HCN1: variants seen among roughly 807,000 people sequenced by gnomAD.
The protein encoded by HCN1 is hyperpolarization activated cyclic nucleotide gated potassium channel 1.
Under a neutral mutation model 78.9 loss-of-function variants are expected in HCN1, and 13 were observed. That is an observed-to-expected ratio of 0.16 (90% CI 0.11 to 0.26). HCN1 has a LOEUF of 0.26. Ranked by LOEUF, HCN1 falls within the 10% of genes least tolerant of loss-of-function variation. The probability of loss-of-function intolerance (pLI) is 1.00; values close to 1 mark genes in which losing one functional copy is unlikely to be tolerated. For synonymous variants in HCN1, 552 were observed against 455.5 expected (o/e 1.21, Z -2.70); for missense variants, 810 against 1,154.3 (o/e 0.70, Z 4.32).
chr5:45,353,376 G>A, intron 4 of HCN1, 130 bp from the exon 5 acceptor site: 1 of 700,114 alleles, frequency 1.4e-6, no homozygotes, highest in South Asian at 1.8e-5. Flanking sequence ...CCTTTAAGAT[G>A]AAGGAACTAA....
intron 4 of HCN1, among the ~76,000 whole-genome samples, chr5:45,387,407 A>T (rs1451207090): frequency 6.6e-6 from 1 of 152,164 alleles, no homozygotes; most frequent in Non-Finnish European, 1.5e-5. Flanking sequence ...ATAAATGATC[A>T]GATTACAATT....
At position 45,496,793 on chromosome 5, in the gene HCN1, G is replaced by T. The variant is rs1458893338; in HGVS notation, c.850-34786C>A. The stretch of plus-strand genomic sequence containing the variant: ...CTTTTCTAGTTCTTCTAATCGTGAT[G>T]TTAGGGTGTAAATTTTGGATCTTTC... On this transcript the variant is annotated intron_variant, in intron 2 of 7. Transcript: ENST00000303230. 2.1e-4 allele frequency among the ~76,000 whole-genome samples: 32 copies of T among 152,172 alleles called. 1 individual carries two copies. The highest frequency in any genetic ancestry group is 2.1e-3 in the Admixed American group (32 of 15,268).
chr5:45,418,420 T>C (rs1315263968), intron 3 of HCN1, among the ~76,000 whole-genome samples: 1 of 149,424 alleles, frequency 6.7e-6, no homozygotes, highest in African/African-American at 2.4e-5. Flanking sequence ...TGTGATAGGC[T>C]AAAAACTATC....
chr5:45,372,196 TATAATACATATTATATAATATAA>T lies in HCN1; in HGVS notation c.1231-18973_1231-18951del. Reference sequence around the variant, plus strand: ...TTATATTATAATATAATACAATTAATATAATACATATTATATAATATAATATATATAATATATATTATATTTTA... The same window carrying T: ...TTATATTATAATATAATACAATTAATTATATATAATATATATTATATTTTA... On this transcript the variant is annotated intron_variant, in intron 4 of 7. Coordinates refer to ENST00000303230, the MANE Select transcript of HCN1 (RefSeq NM_021072.4). 6.5e-5 allele frequency among the ~76,000 whole-genome samples: 4 copies of T among 61,656 alleles called. No individual in the cohort carries two copies. The East Asian group carries it at 2.3e-3, about 35-fold the overall frequency. The allele number at this position is 61,656 out of a possible 152,430, so 40.4% of individuals were successfully genotyped here.
At chr5:45,398,998 G>A (rs953624321) in intron 3 of HCN1, among the ~76,000 whole-genome samples, 1 of 152,170 alleles carries the variant, frequency 6.6e-6, no homozygotes, top group African/African-American at 2.4e-5. Flanking sequence ...TTTACTGCCT[G>A]AGTGCCATGG....
intron 3 of HCN1, among the ~76,000 whole-genome samples, chr5:45,447,657 C>G (rs1258706517): frequency 6.6e-6 from 1 of 152,176 alleles, no homozygotes; most frequent in Non-Finnish European, 1.5e-5. Flanking sequence ...ACTTTAGGAT[C>G]TGGGGAGAGA....
intron 4 of HCN1, among the ~76,000 whole-genome samples, chr5:45,388,756 T>G (rs1747978651): frequency 1.3e-5 from 2 of 152,198 alleles, no homozygotes; most frequent in African/African-American, 2.4e-5. Context: ...TCACAAAGTT[T>G]ATTTGTGAAA....
intron 2 of HCN1, among the ~76,000 whole-genome samples, chr5:45,511,107 A>C (rs574171433): frequency 1.3e-5 from 2 of 152,126 alleles, no homozygotes; most frequent in Non-Finnish European, 2.9e-5. Flanking sequence ...CAGTACCTAG[A>C]TGATGGTTTC....
chr5:45,277,177 G>A (rs1481691216), intron 6 of HCN1, among the ~76,000 whole-genome samples: 1 of 151,980 alleles, frequency 6.6e-6, no homozygotes, highest in Non-Finnish European at 1.5e-5. Flanking sequence ...TGCCATTTAT[G>A]GGAAAGATAG....
intron 4 of HCN1, among the ~76,000 whole-genome samples, chr5:45,368,330 G>C (rs1488667013): frequency 2.0e-5 from 3 of 151,884 alleles, no homozygotes; most frequent in East Asian, 3.9e-4. Flanking sequence ...TCTTAGTCAG[G>C]TGTTTAACTA....
chr5:45,473,567 C>T lies in HCN1; in HGVS notation c.850-11560G>A, dbSNP rs1251898890. On this transcript the variant is annotated intron_variant, in intron 2 of 7. Coordinates refer to ENST00000303230, the MANE Select transcript of HCN1 (RefSeq NM_021072.4). Reference sequence around the variant, plus strand: ...TCTCTTTTTCTCTGTGATGCCTCACCTATTTTTTTTCTTTTTTTTTCTTCC... The same window carrying T: ...TCTCTTTTTCTCTGTGATGCCTCACTTATTTTTTTTCTTTTTTTTTCTTCC... Among the ~76,000 whole-genome samples, 3 of 151,578 alleles carry T rather than the reference C, an allele frequency of 2.0e-5. No homozygotes were observed. The South Asian group carries it at 6.2e-4, about 31-fold the overall frequency.
chr5:45,430,499 TG>T (rs1366784506), intron 3 of HCN1, among the ~76,000 whole-genome samples: 1 of 151,926 alleles, frequency 6.6e-6, no homozygotes, highest in Non-Finnish European at 1.5e-5. Context: ...TGTGTCCATG[TG>T]TTCTTATTGT....
intron 2 of HCN1, among the ~76,000 whole-genome samples, chr5:45,496,672 T>G (rs1189787691): frequency 6.6e-6 from 1 of 152,182 alleles, no homozygotes; most frequent in Non-Finnish European, 1.5e-5. Context: ...GATTCATTAA[T>G]TTTTTGAAGG....
intron 2 of HCN1, among the ~76,000 whole-genome samples, chr5:45,492,392 A>AAT (rs35781186): frequency 0.11 from 13,137 of 121,092 alleles, 710 homozygotes; most frequent in Middle Eastern, 0.17. Context: ...TCTTTAAATG[A>AAT]ATATATATAT....
intron 2 of HCN1, among the ~76,000 whole-genome samples, chr5:45,525,671 A>T (rs888439717): frequency 3.9e-5 from 6 of 152,060 alleles, no homozygotes; most frequent in Admixed American, 3.9e-4. Context: ...AATGAGAAAT[A>T]GGAGGATGAG....
chr5:45,262,043 G>A lies in HCN1; in HGVS notation c.2551C>T (p.Pro851Ser), dbSNP rs1194036783. 2 of 1,613,982 alleles carry A rather than the reference G, an allele frequency of 1.2e-6. No homozygotes were observed. The highest frequency in any genetic ancestry group is 3.3e-5 in the Admixed American group (2 of 60,024). Residue 851 changes from proline to serine, a missense_variant, in exon 8 of 8, where the codon CCC (proline) becomes TCC (serine). Pro to Ser is a moderately conservative substitution (Grantham distance 74, BLOSUM62 -1). This residue lies in a region of HCN1 where 398 missense variants were observed against 381.3 expected (regional missense o/e 1.04). Transcript: ENST00000303230. Reference protein sequence around the residue: ...LFRQMSSGAIPPNRGVPPAPP... With the variant: ...LFRQMSSGAISPNRGVPPAPP... ...GCTGGAGGGACTCCTCGGTTCGGGG[G>A]GATGGCTCCCGACGACATCTGTCGG...
chr5:45,680,073 C>T (rs1739676241), intron 1 of HCN1, among the ~76,000 whole-genome samples: 1 of 152,016 alleles, frequency 6.6e-6, no homozygotes, highest in Non-Finnish European at 1.5e-5. Context: ...TCTCTCTTTC[C>T]AACATGATTT....
intron 2 of HCN1, among the ~76,000 whole-genome samples, chr5:45,572,273 G>C (rs1248750556): frequency 6.6e-6 from 1 of 152,130 alleles, no homozygotes; most frequent in Non-Finnish European, 1.5e-5. Context: ...ATCTAATAAA[G>C]TAAATTACAG....
At chr5:45,365,527 AT>A (rs1274265953) in intron 4 of HCN1, among the ~76,000 whole-genome samples, 2 of 151,964 alleles carry the variant, frequency 1.3e-5, no homozygotes, top group East Asian at 3.9e-4. Context: ...TGATTAAATT[AT>A]TTTTTATGGC....
Sources: gnomAD v4.1 joint callset for allele counts (sites outside exome capture counted in the v4.1 genomes callset) on GRCh38, gnomAD v4.1.1 for gene constraint, gnomAD v4.1.1 regional missense constraint, MANE v1.5 for transcripts, NCBI Gene and HGNC (gene_info 2026-07-23, HGNC 2026-07-21) for gene names.